Variants in PHF21A observed in about 807,000 individuals in gnomAD.
The protein encoded by PHF21A is BHC80a.
A neutral mutation model predicts 82.5 loss-of-function variants in PHF21A; 11 were observed. That is an observed-to-expected ratio of 0.13 (90% CI 0.08 to 0.22). PHF21A has a LOEUF of 0.22. Among genes scored for constraint, PHF21A ranks in the 10% least tolerant of loss-of-function variants. The pLI, the probability that PHF21A is intolerant of heterozygous loss-of-function variation, is 1.00. For synonymous variants in PHF21A, 297 were observed against 302.8 expected, an observed-to-expected ratio of 0.98 and a Z score of 0.20; for missense variants, 579 against 837.8, an observed-to-expected ratio of 0.69 and a Z score of 3.81.
rs773390106 is a variant in PHF21A at position 45,971,388 on chromosome 11, A to G, written c.361-21T>C. ...GTCTTCTAGGAGACAGGGAAAACAGATATTAGGACACTAAATCTAAACTAA... is the reference window on the plus strand; with the variant it reads ...GTCTTCTAGGAGACAGGGAAAACAGGTATTAGGACACTAAATCTAAACTAA... On this transcript the variant is annotated intron_variant, in intron 7 of 18. Transcript: ENST00000676320. 6.9e-6 allele frequency: 11 copies of G among 1,600,072 alleles called. No individual in the cohort carries two copies. In the East Asian group the frequency reaches 1.3e-4, roughly 20 times the overall value.
chr11:46,103,034 G>A (rs1342692729), intron 1 of PHF21A, among the ~76,000 whole-genome samples: 6 of 152,014 alleles, frequency 3.9e-5, no homozygotes, highest in Non-Finnish European at 7.4e-5. Context: ...GGCAATCACC[G>A]GCGGCATCTC....
chr11:46,051,737 G>C (rs1045809049), intron 6 of PHF21A, among the ~76,000 whole-genome samples: 1 of 152,126 alleles, frequency 6.6e-6, no homozygotes, highest in Non-Finnish European at 1.5e-5. Context: ...CTACCACGAA[G>C]GAAGATATTA....
At chr11:46,017,286 T>C (rs975790032) in intron 6 of PHF21A, among the ~76,000 whole-genome samples, 32 of 152,234 alleles carry the variant, frequency 2.1e-4, no homozygotes, top group African/African-American at 7.7e-4. Flanking sequence ...CTATTAATTT[T>C]TAACAGGCAT....
intron 6 of PHF21A, among the ~76,000 whole-genome samples, chr11:46,073,033 T>A (rs1347982329): frequency 1.3e-5 from 2 of 151,950 alleles, no homozygotes; most frequent in African/African-American, 4.8e-5. Context: ...TTAAATAAAT[T>A]AATAGTTGCT....
chr11:45,994,788 G>A (rs577922850), intron 6 of PHF21A, among the ~76,000 whole-genome samples: 18 of 152,310 alleles, frequency 1.2e-4, no homozygotes, highest in Middle Eastern at 3.4e-3. Flanking sequence ...AGATGTTCCA[G>A]TAGTAGGACG....
At chr11:46,048,561 G>A (rs1375986589) in intron 6 of PHF21A, among the ~76,000 whole-genome samples, 2 of 152,078 alleles carry the variant, frequency 1.3e-5, no homozygotes, top group African/African-American at 4.8e-5. Flanking sequence ...CCTGAGGTCA[G>A]GAGTTTGAGA....
chr11:46,064,285 GT>G (rs2096569575), intron 6 of PHF21A, among the ~76,000 whole-genome samples: 1 of 152,168 alleles, frequency 6.6e-6, no homozygotes, highest in African/African-American at 2.4e-5. Context: ...AAGTGGGAGG[GT>G]TTTTTAAAAG....
intron 6 of PHF21A, among the ~76,000 whole-genome samples, chr11:46,057,186 T>C (rs1050100294): frequency 1.3e-5 from 2 of 152,186 alleles, no homozygotes; most frequent in African/African-American, 4.8e-5. Flanking sequence ...AGTGGGCTAG[T>C]AATGCTTAAG....
chr11:46,000,671 G>C (rs960938752), intron 6 of PHF21A, among the ~76,000 whole-genome samples: 16 of 152,250 alleles, frequency 1.1e-4, no homozygotes, highest in African/African-American at 3.6e-4. Flanking sequence ...TGTAATCCCA[G>C]TACTTTGGGA....
chr11:46,112,976 A>G (rs918845231), intron 1 of PHF21A, among the ~76,000 whole-genome samples: 1 of 152,234 alleles, frequency 6.6e-6, no homozygotes, highest in Non-Finnish European at 1.5e-5. Context: ...AAACTAAAAC[A>G]CTAGGTTGTT....
chr11:46,046,675 T>C (rs1021446434), intron 6 of PHF21A, among the ~76,000 whole-genome samples: 8 of 152,210 alleles, frequency 5.3e-5, no homozygotes, highest in Admixed American at 1.3e-4. Flanking sequence ...ACAAAAATAA[T>C]ATTAAATGAT....
chr11:46,116,311 C>T (rs554296839), intron 1 of PHF21A, among the ~76,000 whole-genome samples: 28 of 152,258 alleles, frequency 1.8e-4, no homozygotes, highest in Non-Finnish European at 3.2e-4. Flanking sequence ...TACAGATATA[C>T]ATCTTTTTCA....
chr11:45,998,437 A>G (rs1453146377), intron 6 of PHF21A, among the ~76,000 whole-genome samples: 1 of 152,218 alleles, frequency 6.6e-6, no homozygotes, highest in Non-Finnish European at 1.5e-5. Context: ...TATATTAACA[A>G]GTTAAATTAT....
chr11:45,989,490 T>TAAAAAAAAAAAAA (rs57370032), intron 6 of PHF21A, among the ~76,000 whole-genome samples: 3 of 100,918 alleles, frequency 3.0e-5, no homozygotes, highest in African/African-American at 4.0e-5. Context: ...CCATCTCTAC[T>TAAAAAAAAAAAAA]AAAAAAAAAA....
At chr11:45,952,602 CCT>C (rs2092265868) in intron 11 of PHF21A, among the ~76,000 whole-genome samples, 1 of 152,132 alleles carries the variant, frequency 6.6e-6, no homozygotes, top group South Asian at 2.1e-4. Context: ...AAGTTTTGGT[CCT>C]CTTTTTCAAG....
At chr11:46,003,884 C>A (rs2095222400) in intron 6 of PHF21A, among the ~76,000 whole-genome samples, 1 of 152,096 alleles carries the variant, frequency 6.6e-6, no homozygotes. Flanking sequence ...GCAACCACAG[C>A]CTATTTTGGA....
chr11:45,969,048 C>T (rs1422963845), intron 9 of PHF21A, among the ~76,000 whole-genome samples: 1 of 151,820 alleles, frequency 6.6e-6, no homozygotes, highest in Non-Finnish European at 1.5e-5. Flanking sequence ...CATCTTATCT[C>T]ATATTAGCAC....
chr11:46,018,832 G>A lies in PHF21A; in HGVS notation c.154-38866C>T, dbSNP rs192874774. Among the ~76,000 whole-genome samples, 49 of 152,270 alleles carry A rather than the reference G, an allele frequency of 3.2e-4. 1 individual carries two copies. Among genetic ancestry groups the A allele is most frequent in the African/African-American group, 2.4e-5 (1 of 41,538 alleles). On this transcript the variant is annotated intron_variant, in intron 6 of 18. Transcript: ENST00000676320. Reference sequence around the variant, plus strand: ...TGGTGATAACTCACTTAATGGCACTGCTTACTGCATACCATGACACGCTCT... The same window carrying A: ...TGGTGATAACTCACTTAATGGCACTACTTACTGCATACCATGACACGCTCT...
At chr11:46,018,241 C>G (rs1439321012) in intron 6 of PHF21A, among the ~76,000 whole-genome samples, 1 of 143,186 alleles carries the variant, frequency 7.0e-6, no homozygotes, top group Non-Finnish European at 1.5e-5. Flanking sequence ...CAGAGCGAGA[C>G]TCCGTCTCAA....
Sources: allele counts gnomAD v4.1 joint callset (sites outside exome capture counted in the v4.1 genomes callset), GRCh38; gene constraint gnomAD v4.1.1; transcripts MANE v1.5; gene names NCBI Gene and HGNC (gene_info 2026-07-23, HGNC 2026-07-21).